TBC1D8: variants seen among roughly 807,000 people sequenced by gnomAD.
TBC1D8 encodes the protein BUB2-like protein 1.
TBC1D8 carries 65 observed loss-of-function variants against 118.8 expected under a neutral mutation model. The observed-to-expected ratio is 0.55, with a 90% CI of 0.45 to 0.67. TBC1D8 has a LOEUF of 0.67. Among genes scored for constraint, TBC1D8 ranks in the 30% least tolerant of loss-of-function variants. The pLI is 0.00. For synonymous variants in TBC1D8, 566 were observed against 595.8 expected, an observed-to-expected ratio of 0.95 and a Z score of 0.73; for missense variants, 1,376 against 1,471.2, an observed-to-expected ratio of 0.94 and a Z score of 1.06.
rs544599185 is a variant in TBC1D8 at position 101,064,795 on chromosome 2, G to A, written c.284-5256C>T. Among the ~76,000 whole-genome samples, 3 of 152,280 alleles carry A rather than the reference G, an allele frequency of 2.0e-5. No homozygotes were observed. The South Asian group carries it at 6.2e-4, about 32-fold the overall frequency. On this transcript the variant is annotated intron_variant, in intron 2 of 19. Coordinates refer to ENST00000409318, the MANE Select transcript of TBC1D8 (RefSeq NM_001330348.2). Reference sequence around the variant, plus strand: ...GGTCAACAGAGGACATCTTCTGGATGCCTGACATGTGTCAGGAATTTTGTT... The same window carrying A: ...GGTCAACAGAGGACATCTTCTGGATACCTGACATGTGTCAGGAATTTTGTT...
At chr2:101,078,707 T>C (rs1439122513) in intron 2 of TBC1D8, among the ~76,000 whole-genome samples, 1 of 121,890 alleles carries the variant, frequency 8.2e-6, no homozygotes, top group African/African-American at 3.2e-5. Context: ...TTTGAAAATC[T>C]TCATAACAAA....
intron 5 of TBC1D8, among the ~76,000 whole-genome samples, chr2:101,049,930 C>T (rs1681951168): frequency 6.6e-6 from 1 of 150,628 alleles, no homozygotes; most frequent in African/African-American, 2.4e-5. Flanking sequence ...GGGTTCACGC[C>T]ATTCTCCTGC....
intron 7 of TBC1D8, 33 bp downstream of exon 7, chr2:101,038,428 G>T (rs376785851): frequency 1.0e-4 from 161 of 1,601,960 alleles, no homozygotes; most frequent in Non-Finnish European, 1.3e-4. Flanking sequence ...GAGACATGAA[G>T]AAGGGGATCA....
chr2:101,151,215 C>T lies in TBC1D8; in HGVS notation c.39G>A (p.Ala13=). 1.6e-6 allele frequency: 2 copies of T among 1,255,552 alleles called. No individual in the cohort carries two copies. The highest frequency in any genetic ancestry group is 4.2e-5 in the East Asian group (1 of 24,070). The allele number at this position is 1,255,552 out of a possible 1,614,324, so 77.8% of individuals were successfully genotyped here. A position where few individuals can be genotyped will look rare whatever the true frequency, so the allele number is the denominator to read the frequency against. ...TCTTCTGGGTCACCCAGAGCTTCAG[C>T]GCGTTCTTCAGCAGCACCTCCTCGG... ...LKPEEVLLKN[A]LKLWVTQKSS... The change falls in exon 1 of 20, where the codon GCG becomes GCA. Residue 13 remains alanine (A), a synonymous_variant. Transcript: ENST00000409318.
chr2:101,047,763 C>G (rs924161003), intron 5 of TBC1D8, among the ~76,000 whole-genome samples: 21 of 152,226 alleles, frequency 1.4e-4, no homozygotes, highest in Non-Finnish European at 2.6e-4. Flanking sequence ...TTCCTCTCCC[C>G]TCTTCTTTCT....
rs373625910 is a variant in TBC1D8, at chr2:101,070,300, GA to G, written c.284-10762del. Among the ~76,000 whole-genome samples the G allele has an allele frequency of 1.7e-3, 257 of 151,340 alleles. 3 individuals carry two copies. Among genetic ancestry groups the G allele is most frequent in the East Asian group, 4.3e-3 (22 of 5,154 alleles). ...GTTGGGTTTTTACATTACCTAATTA[GA>G]AAAAACCTTTTTTAACCAATTTTCT... On this transcript the variant is annotated intron_variant, in intron 2 of 19. Coordinates refer to ENST00000409318, the MANE Select transcript of TBC1D8 (RefSeq NM_001330348.2).
intron 9 of TBC1D8, among the ~76,000 whole-genome samples, chr2:101,034,099 G>A (rs536746488): frequency 1.2e-4 from 18 of 152,262 alleles, no homozygotes; most frequent in Middle Eastern, 6.8e-3. Flanking sequence ...AGGAGGCAGA[G>A]GTTGCAGTGA....
intron 7 of TBC1D8, among the ~76,000 whole-genome samples, chr2:101,038,155 C>T (rs758960181): frequency 6.6e-6 from 1 of 152,200 alleles, no homozygotes. Flanking sequence ...AGCTGCCCAA[C>T]CTCAGGGCCG....
intron 19 of TBC1D8, among the ~76,000 whole-genome samples, chr2:101,010,406 T>C (rs1423177086): frequency 6.6e-6 from 1 of 152,206 alleles, no homozygotes; most frequent in East Asian, 1.9e-4. Context: ...ATGAATTTTA[T>C]ACAAAAACTC....
intron 1 of TBC1D8, among the ~76,000 whole-genome samples, chr2:101,137,832 T>G (rs1339636023): frequency 6.6e-6 from 1 of 152,130 alleles, no homozygotes; most frequent in East Asian, 1.9e-4. Flanking sequence ...CAAAGAACTC[T>G]TTTTGCCAGG....
intron 9 of TBC1D8, among the ~76,000 whole-genome samples, chr2:101,034,271 A>G (rs1174924009): frequency 6.6e-6 from 1 of 152,242 alleles, no homozygotes; most frequent in Non-Finnish European, 1.5e-5. Context: ...AAATAACTGT[A>G]TTAATATGCT....
chr2:101,040,114 C>CCAG, intron 6 of TBC1D8, 64 bp downstream of exon 6: 1 of 1,559,910 alleles, frequency 6.4e-7, no homozygotes, highest in Non-Finnish European at 8.7e-7. Flanking sequence ...CATCTCACAG[C>CCAG]CAGCAACCTT....
intron 15 of TBC1D8, chr2:101,024,034 C>G (rs913026725): frequency 6.6e-6 from 1 of 152,216 alleles, no homozygotes; most frequent in Non-Finnish European, 1.5e-5. Context: ...TCCTTAAAAC[C>G]CAAGGTACAC....
chr2:101,021,054 C>G (rs1436048650), intron 17 of TBC1D8, among the ~76,000 whole-genome samples: 1 of 152,144 alleles, frequency 6.6e-6, no homozygotes, highest in Admixed American at 6.6e-5. Flanking sequence ...GCTCTAGAAT[C>G]CCCCTCAGTG....
chr2:101,060,341 A>T (rs1682687817), intron 2 of TBC1D8, among the ~76,000 whole-genome samples: 1 of 152,220 alleles, frequency 6.6e-6, no homozygotes, highest in Admixed American at 6.5e-5. Flanking sequence ...AGGGACTGCC[A>T]CTTGCACCCA....
chr2:101,051,824 G>A (rs950837977), intron 4 of TBC1D8, among the ~76,000 whole-genome samples: 6 of 152,214 alleles, frequency 3.9e-5, no homozygotes, highest in African/African-American at 1.4e-4. Context: ...TGCTGGCGAG[G>A]TTGTGGAGAA....
intron 2 of TBC1D8, among the ~76,000 whole-genome samples, chr2:101,081,527 G>A (rs767988886): frequency 6.6e-6 from 1 of 152,090 alleles, no homozygotes; most frequent in East Asian, 1.9e-4. Context: ...TCTGTACAAA[G>A]GTTTGACAAG....
At chr2:101,063,385 C>T (rs1362772564) in intron 2 of TBC1D8, among the ~76,000 whole-genome samples, 1 of 152,100 alleles carries the variant, frequency 6.6e-6, no homozygotes, top group Non-Finnish European at 1.5e-5. Context: ...AAATAAACCA[C>T]ACATAAAAAA....
rs1036765606 is a variant in TBC1D8 at position 101,059,314 on chromosome 2, C to T, written c.402+107G>A. ...ACTTATTTGGCATTACGTATTGAGC[C>T]AAAAGTTCAGTTAGTAGGAAAAACT... On this transcript the variant is annotated intron_variant, in intron 3 of 19. Transcript: ENST00000409318. 3.5e-5 allele frequency: 29 copies of T among 833,312 alleles called. No individual in the cohort carries two copies. The African/African-American group carries it at 4.9e-4, about 14-fold the overall frequency. 51.6% of individuals were successfully genotyped at this position (833,312 alleles called of 1,614,324 possible).
Sources: gnomAD v4.1 joint callset for allele counts (sites outside exome capture counted in the v4.1 genomes callset) on GRCh38, gnomAD v4.1.1 for gene constraint, MANE v1.5 for transcripts, NCBI Gene and HGNC (gene_info 2026-07-23, HGNC 2026-07-21) for gene names.